The following CCDC146 variants were observed in gnomAD, a reference collection of about 807,000 sequenced individuals.
CCDC146 encodes coiled-coil domain-containing protein 146.
CCDC146 carries 92 observed loss-of-function variants against 119.3 expected under a neutral mutation model. That is an observed-to-expected ratio of 0.77 (90% CI 0.65 to 0.92). The LOEUF (loss-of-function observed/expected upper bound fraction) is 0.92, where lower values mean the gene tolerates loss of function less well. Among genes scored for constraint, CCDC146 ranks in the 40% least tolerant of loss-of-function variants. The pLI, the probability that CCDC146 is intolerant of heterozygous loss-of-function variation, is 0.00. For missense variants in CCDC146, 1,000 were observed against 1,103.0 expected, an observed-to-expected ratio of 0.91 and a Z score of 1.32; for synonymous variants, 372 against 371.8, an observed-to-expected ratio of 1.00 and a Z score of -0.01.
intron 2 of CCDC146, among the ~76,000 whole-genome samples, chr7:77,219,081 G>A (rs1485996448): frequency 6.6e-6 from 1 of 152,020 alleles, no homozygotes; most frequent in African/African-American, 2.4e-5. Flanking sequence ...GAAATCTATA[G>A]AAATTGTTTA....
chr7:77,136,720 A>G (rs1407816736), intron 1 of CCDC146, among the ~76,000 whole-genome samples: 1 of 152,334 alleles, frequency 6.6e-6, no homozygotes, highest in African/African-American at 2.4e-5. Context: ...CTAATTCACT[A>G]CAATTTCTTT....
chr7:77,257,268 T>C (rs975638312), intron 6 of CCDC146: 4 of 152,182 alleles, frequency 2.6e-5, no homozygotes, highest in African/African-American at 9.7e-5. Context: ...GTATTTATGT[T>C]TTAGGAGATA....
intron 1 of CCDC146, among the ~76,000 whole-genome samples, chr7:77,134,668 C>G (rs1790836404): frequency 6.6e-6 from 1 of 151,270 alleles, no homozygotes. Context: ...CCTACCACAT[C>G]CCAAAGACGT....
At chr7:77,131,907 A>G (rs1346911597) in intron 1 of CCDC146, among the ~76,000 whole-genome samples, 1 of 152,222 alleles carries the variant, frequency 6.6e-6, no homozygotes, top group East Asian at 1.9e-4. Context: ...GTTTGACTAC[A>G]AAGGGGTACT....
chr7:77,194,488 T>C (rs1791828698), intron 2 of CCDC146: 1 of 152,098 alleles, frequency 6.6e-6, no homozygotes, highest in African/African-American at 2.4e-5. Flanking sequence ...ATTTTAATAG[T>C]ATTTGTGATA....
At chr7:77,191,987 C>T (rs941056127) in intron 2 of CCDC146, among the ~76,000 whole-genome samples, 6 of 151,816 alleles carry the variant, frequency 4.0e-5, no homozygotes, top group African/African-American at 9.7e-5. Context: ...AGTGCAGTGG[C>T]GCCATCTCTG....
chr7:77,162,486 A>G (rs1791277299), intron 1 of CCDC146, among the ~76,000 whole-genome samples: 1 of 152,016 alleles, frequency 6.6e-6, no homozygotes. Flanking sequence ...ATTTTGTTCC[A>G]TTGGTCTTTT....
At position 77,280,432 on chromosome 7, in the gene CCDC146, G is replaced by A; in HGVS notation, c.1698G>A (p.Lys566=). The A allele has an allele frequency of 1.2e-6, 2 of 1,604,886 alleles. No individual in the cohort carries two copies. Among genetic ancestry groups the A allele is most frequent in the Non-Finnish European group, 8.5e-7 (1 of 1,176,800 alleles). The change falls in exon 14 of 19, where the codon AAG becomes AAA. Residue 566 remains lysine, a synonymous_variant. Coordinates refer to ENST00000285871, the MANE Select transcript of CCDC146 (RefSeq NM_020879.3). The stretch of plus-strand genomic sequence containing the variant: ...CATTGTCTTATTACTTTAAAAGAAA[G>A]CTACAAAATTCCATGCTGAAACACG... ...LRNSAVSQER[K]LQNSMLKHAN... is the part of the protein sequence containing the mutation.
At chr7:77,221,159 A>G (rs1792396757) in intron 2 of CCDC146, among the ~76,000 whole-genome samples, 2 of 152,200 alleles carry the variant, frequency 1.3e-5, no homozygotes, top group South Asian at 4.1e-4. Context: ...TTCATAAAGG[A>G]TCCACCCCCA....
chr7:77,264,901 A>G (rs902613903), intron 9 of CCDC146, among the ~76,000 whole-genome samples: 3 of 152,212 alleles, frequency 2.0e-5, no homozygotes, highest in Non-Finnish European at 4.4e-5. Context: ...AGATTACAAC[A>G]GTCATCTTTG....
At chr7:77,236,550 A>T (rs750481469) in intron 2 of CCDC146, among the ~76,000 whole-genome samples, 4 of 152,224 alleles carry the variant, frequency 2.6e-5, no homozygotes, top group Admixed American at 6.5e-5. Context: ...GAAATAACTG[A>T]TGGGCAACAC....
At chr7:77,170,997 T>C (rs1459792058) in intron 2 of CCDC146, among the ~76,000 whole-genome samples, 2 of 152,242 alleles carry the variant, frequency 1.3e-5, no homozygotes, top group Admixed American at 6.5e-5. Flanking sequence ...CTAATCTTAA[T>C]ATTTTAAGTG....
rs535576555 is a variant in CCDC146 at position 77,212,577 on chromosome 7, C to T, written c.157-24370C>T. Among the ~76,000 whole-genome samples, 344 of 140,790 alleles carry T rather than the reference C, an allele frequency of 2.4e-3. 3 individuals carry two copies. The highest frequency in any genetic ancestry group is 8.6e-3 in the African/African-American group (319 of 36,948). The allele number at this position is 140,790 out of a possible 152,430, so 92.4% of individuals were successfully genotyped here. On this transcript the variant is annotated intron_variant, in intron 2 of 18. Coordinates refer to ENST00000285871, the MANE Select transcript of CCDC146 (RefSeq NM_020879.3). The stretch of plus-strand genomic sequence containing the variant: ...CGGAGCATGCAGTGAGCCGAGATCA[C>T]GCCACTGCACTCCAGCCTGGGTGAC...
Position 77,196,960 on chromosome 7 carries a change from G to C in CCDC146, c.156+29136G>C. The C allele has an allele frequency of 6.2e-7, 1 of 1,608,388 alleles. No individual in the cohort carries two copies. Among genetic ancestry groups the C allele is most frequent in the Non-Finnish European group, 8.5e-7 (1 of 1,177,064 alleles). Reference sequence around the variant, plus strand: ...TTTTGCCTATTGCGTAGTAGTCAGAGCAATCTTTATATATTAGATGTTGAA... The same window carrying C: ...TTTTGCCTATTGCGTAGTAGTCAGACCAATCTTTATATATTAGATGTTGAA... On this transcript the variant is annotated intron_variant, in intron 2 of 18. Transcript: ENST00000285871. This position sits in a 1 kb window ranked among gnomAD's most constrained non-coding sequence, Gnocchi z 4.2.
At chr7:77,209,353 C>T (rs1792139401) in intron 2 of CCDC146, among the ~76,000 whole-genome samples, 1 of 152,218 alleles carries the variant, frequency 6.6e-6, no homozygotes, top group Non-Finnish European at 1.5e-5. Context: ...AAAAGAATCT[C>T]CTTTGACTTC....
intron 1 of CCDC146, among the ~76,000 whole-genome samples, chr7:77,146,306 GTC>G (rs1791018697): frequency 6.6e-6 from 1 of 152,002 alleles, no homozygotes; most frequent in Admixed American, 6.6e-5. Context: ...GCCTATGTGT[GTC>G]TCTGCACATG....
chr7:77,279,590 A>G (rs1451618751), intron 13 of CCDC146, among the ~76,000 whole-genome samples: 1 of 152,222 alleles, frequency 6.6e-6, no homozygotes, highest in African/African-American at 2.4e-5. Flanking sequence ...GCAATACGTT[A>G]TAGCAGATTG....
chr7:77,248,763 A>T (rs1255309597), intron 4 of CCDC146, among the ~76,000 whole-genome samples: 1 of 152,238 alleles, frequency 6.6e-6, no homozygotes, highest in Admixed American at 6.5e-5. Flanking sequence ...TTTGTTTAGA[A>T]CATTCAAGCT....
At chr7:77,262,419 C>T in intron 9 of CCDC146, 112 bp downstream of exon 9, 2 of 779,300 alleles carry the variant, frequency 2.6e-6, no homozygotes, top group Non-Finnish European at 3.9e-6. Flanking sequence ...ATACAAGTAA[C>T]AGAGAAAAGG....
Sources: allele counts gnomAD v4.1 joint callset (sites outside exome capture counted in the v4.1 genomes callset), GRCh38; gene constraint gnomAD v4.1.1; non-coding constraint Gnocchi (gnomAD v3.1); transcripts MANE v1.5; gene names NCBI Gene and HGNC (gene_info 2026-07-23, HGNC 2026-07-21).